CSMD1: variants seen among roughly 807,000 people sequenced by gnomAD.
CSMD1 encodes CUB and sushi domain-containing protein 1.
CSMD1 carries 213 observed loss-of-function variants against 417.5 expected under a neutral mutation model. The ratio of observed to expected loss-of-function variants is 0.51; its 90% CI spans 0.46 to 0.57. CSMD1 has a LOEUF of 0.57. Among genes scored for constraint, CSMD1 ranks in the 20% least tolerant of loss-of-function variants. The probability of loss-of-function intolerance (pLI) is 0.00; values close to 1 mark genes in which losing one functional copy is unlikely to be tolerated. For synonymous variants in CSMD1, 2,862 were observed against 1,736.8 expected (o/e 1.65, Z -16.11); for missense variants, 6,923 against 4,529.7 (o/e 1.53, Z -15.17).
chr8:3,028,236 C>A (rs1810089108), intron 51 of CSMD1, among the ~76,000 whole-genome samples: 1 of 152,150 alleles, frequency 6.6e-6, no homozygotes. Context: ...GGTTAGAGTT[C>A]CTGACTCCTT....
chr8:4,956,831 G>A (rs896461631), intron 1 of CSMD1, among the ~76,000 whole-genome samples: 8 of 152,064 alleles, frequency 5.3e-5, no homozygotes, highest in Non-Finnish European at 8.8e-5. Context: ...TTGCTTCCAC[G>A]CACCTCCTGC....
At chr8:3,290,873 G>C (rs375790047) in intron 25 of CSMD1, among the ~76,000 whole-genome samples, 1 of 151,960 alleles carries the variant, frequency 6.6e-6, no homozygotes, top group East Asian at 1.9e-4. Flanking sequence ...TTGAATAGGA[G>C]TGGTGAGAGA....
At chr8:4,341,033 T>G (rs1425753016) in intron 3 of CSMD1, among the ~76,000 whole-genome samples, 1 of 152,064 alleles carries the variant, frequency 6.6e-6, no homozygotes, top group East Asian at 1.9e-4. Context: ...ATATTCAACT[T>G]TAGAATCTAT....
chr8:4,199,837 A>G (rs1467685191), intron 3 of CSMD1, among the ~76,000 whole-genome samples: 2 of 152,214 alleles, frequency 1.3e-5, no homozygotes, highest in African/African-American at 4.8e-5. Context: ...TAACAGCAGC[A>G]ACAAAACTCT....
At chr8:3,455,176 G>T (rs763298353) in intron 12 of CSMD1, among the ~76,000 whole-genome samples, 2 of 152,060 alleles carry the variant, frequency 1.3e-5, no homozygotes, top group Non-Finnish European at 2.9e-5. Context: ...GTCCTTTAAG[G>T]ACTTCTCTGC....
intron 3 of CSMD1, among the ~76,000 whole-genome samples, chr8:4,368,521 T>C (rs1802221799): frequency 6.6e-6 from 1 of 152,170 alleles, no homozygotes; most frequent in Admixed American, 6.5e-5. Context: ...TTTCTCAAAT[T>C]TTTGGGAATC....
intron 5 of CSMD1, among the ~76,000 whole-genome samples, chr8:3,832,065 A>G (rs939005389): frequency 6.6e-6 from 1 of 152,134 alleles, no homozygotes; most frequent in East Asian, 1.9e-4. Context: ...GCCCTTCTTA[A>G]TCAAGACTGG....
intron 3 of CSMD1, among the ~76,000 whole-genome samples, chr8:4,145,082 T>G (rs1292842380): frequency 6.6e-6 from 1 of 151,368 alleles, no homozygotes; most frequent in African/African-American, 2.5e-5. Flanking sequence ...GATTTAAGGA[T>G]GTTAAAAATG....
intron 23 of CSMD1, among the ~76,000 whole-genome samples, chr8:3,339,153 A>G (rs1305681928): frequency 6.6e-6 from 1 of 152,012 alleles, no homozygotes; most frequent in East Asian, 1.9e-4. Context: ...TGTCCCTACA[A>G]AGGACATGAA....
chr8:4,197,279 T>C (rs1365054980), intron 3 of CSMD1, among the ~76,000 whole-genome samples: 1 of 152,224 alleles, frequency 6.6e-6, no homozygotes, highest in East Asian at 1.9e-4. Flanking sequence ...TGAGAAGTAT[T>C]AGGCATTAAG....
At chr8:4,611,074 A>G (rs994259346) in intron 2 of CSMD1, among the ~76,000 whole-genome samples, 4 of 152,142 alleles carry the variant, frequency 2.6e-5, no homozygotes, top group African/African-American at 9.7e-5. Flanking sequence ...AGAAAAGTGA[A>G]AGAAGACCAT....
intron 3 of CSMD1, among the ~76,000 whole-genome samples, chr8:4,352,012 T>C (rs1212342715): frequency 1.3e-5 from 2 of 151,004 alleles, no homozygotes; most frequent in Non-Finnish European, 2.9e-5. Context: ...AATTGACTAA[T>C]GCAATGCTGA....
chr8:3,413,387 G>A (rs1050762472), intron 12 of CSMD1, among the ~76,000 whole-genome samples: 1 of 152,164 alleles, frequency 6.6e-6, no homozygotes, highest in Non-Finnish European at 1.5e-5. Flanking sequence ...GTGGTTAGCT[G>A]ATCCCACCAA....
chr8:3,296,774 G>T (rs1804000971), intron 25 of CSMD1, among the ~76,000 whole-genome samples: 1 of 152,080 alleles, frequency 6.6e-6, no homozygotes, highest in African/African-American at 2.4e-5. Flanking sequence ...CTGGAAAAGT[G>T]GAGTTGTCAT....
intron 2 of CSMD1, among the ~76,000 whole-genome samples, chr8:4,602,100 G>C (rs189283438): frequency 1.3e-5 from 2 of 152,286 alleles, no homozygotes; most frequent in African/African-American, 4.8e-5. Flanking sequence ...TGCCTTTATT[G>C]AGATAAGAGC....
At chr8:4,764,884 A>AC (rs1563326816) in intron 1 of CSMD1, among the ~76,000 whole-genome samples, 1 of 49,152 alleles carries the variant, frequency 2.0e-5, no homozygotes, top group Non-Finnish European at 3.5e-5. Context: ...AAAAAAAAAA[A>AC]AAAAAAAAAA....
At chr8:3,638,342 G>A (rs953521075) in intron 7 of CSMD1, among the ~76,000 whole-genome samples, 1 of 151,966 alleles carries the variant, frequency 6.6e-6, no homozygotes, top group African/African-American at 2.4e-5. Context: ...AAAACCCAGT[G>A]TTAGCTTCAG....
chr8:3,985,871 T>A (rs1237071963), intron 5 of CSMD1, among the ~76,000 whole-genome samples: 3 of 151,956 alleles, frequency 2.0e-5, no homozygotes, highest in African/African-American at 7.3e-5. Flanking sequence ...ATCAGATAAT[T>A]TTTCTTCCCA....
Position 4,747,395 on chromosome 8 carries a change from C to T in CSMD1, c.86-109837G>A, listed in dbSNP as rs1332228575. Among the ~76,000 whole-genome samples the T allele has an allele frequency of 3.9e-5, 6 of 152,142 alleles. No individual in the cohort carries two copies. In the East Asian group the frequency reaches 1.2e-3, roughly 30 times the overall value. On this transcript the variant is annotated intron_variant, in intron 1 of 69. Coordinates refer to ENST00000635120, the MANE Select transcript of CSMD1 (RefSeq NM_033225.6). ...TTTTCATGGCGAGACACACAACTAA[C>T]AAGATTGGTAAGAGCAATACAATAG... is the stretch of plus-strand genomic sequence containing the variant.
Sources: allele counts gnomAD v4.1 joint callset (sites outside exome capture counted in the v4.1 genomes callset), GRCh38; gene constraint gnomAD v4.1.1; transcripts MANE v1.5; gene names NCBI Gene and HGNC (gene_info 2026-07-23, HGNC 2026-07-21).